Variants in CFAP47 observed in about 807,000 individuals in gnomAD.
CFAP47 encodes cilia- and flagella-associated protein 47.
A neutral mutation model predicts 148.1 loss-of-function variants in CFAP47; 29 were observed. That is an observed-to-expected ratio of 0.20 (90% CI 0.15 to 0.27). The LOEUF is 0.27. CFAP47 is among the 10% of genes least tolerant of loss of function. The pLI is 1.00. For missense variants in CFAP47, 1,872 were observed against 1,697.5 expected (o/e 1.10, Z -1.81); for synonymous variants, 664 against 577.3 (o/e 1.15, Z -2.15).
intron 4 of CFAP47, among the ~76,000 whole-genome samples, chrX:35,948,819 AG>A (rs1300180142): frequency 1.1e-5 from 1 of 93,154 alleles, no homozygotes; most frequent in East Asian, 3.5e-4. Flanking sequence ...GTGTGTGTGT[AG>A]GGGTGGTGGG....
rs749740083 is a variant in CFAP47 at position 35,929,952 on chromosome X, T to G, written c.401+3784T>G. ...AGGTGGAGGTTGCAGTGAGCTGAAATCATGCCAATGCACTTCAGCCTGGGT... is the reference window on the plus strand; with the variant it reads ...AGGTGGAGGTTGCAGTGAGCTGAAAGCATGCCAATGCACTTCAGCCTGGGT... On this transcript the variant is annotated intron_variant, in intron 2 of 63. Coordinates refer to ENST00000378653, the MANE Select transcript of CFAP47 (RefSeq NM_001304548.2). Among the ~76,000 whole-genome samples the G allele has an allele frequency of 3.6e-5, 4 of 110,921 alleles. No homozygotes were observed. In the East Asian group the frequency reaches 1.1e-3, roughly 31 times the overall value.
At chrX:36,353,385 A>G (rs1250559143) in intron 59 of CFAP47, 144 bp from the exon 60 acceptor site, 7 of 448,358 alleles carry the variant, frequency 1.6e-5, no homozygotes, top group Non-Finnish European at 2.7e-5. Flanking sequence ...GTGTGTGTGT[A>G]TGTGTGTATG....
chrX:36,292,273 G>T (rs1191428967), intron 51 of CFAP47, among the ~76,000 whole-genome samples: 1 of 111,470 alleles, frequency 9.0e-6, no homozygotes, highest in East Asian at 2.8e-4. Context: ...AATGACGATG[G>T]TGTTTCTAAA....
chrX:36,101,674 A>G (rs989028513), intron 32 of CFAP47, among the ~76,000 whole-genome samples: 7 of 111,689 alleles, frequency 6.3e-5, no homozygotes, highest in Admixed American at 4.8e-4. Flanking sequence ...GTGTTAAACC[A>G]TCAGGCGTCT....
intron 42 of CFAP47, among the ~76,000 whole-genome samples, chrX:36,191,666 G>A (rs1307364147): frequency 9.0e-6 from 1 of 110,699 alleles, no homozygotes; most frequent in Non-Finnish European, 1.9e-5. Flanking sequence ...CTTTTTAAAC[G>A]GGCCGTAACT....
At chrX:36,228,543 T>G in intron 45 of CFAP47, 85 bp from the exon 46 acceptor site, 2 of 484,494 alleles carry the variant, frequency 4.1e-6, no homozygotes, top group South Asian at 6.0e-5. Context: ...TACAATTTAA[T>G]ACAATAATAT....
At chrX:36,037,699 G>T (rs1194255074) in intron 24 of CFAP47, among the ~76,000 whole-genome samples, 1 of 110,833 alleles carries the variant, frequency 9.0e-6, no homozygotes, top group African/African-American at 3.3e-5. Flanking sequence ...TAAGAGGTCT[G>T]AAATTCTGAA....
intron 26 of CFAP47, among the ~76,000 whole-genome samples, chrX:36,051,408 C>G (rs1019112487): frequency 6.2e-5 from 7 of 112,035 alleles, no homozygotes; most frequent in African/African-American, 2.3e-4. Flanking sequence ...GAACCCATCT[C>G]TTGTATCAGT....
intron 29 of CFAP47, among the ~76,000 whole-genome samples, chrX:36,075,201 T>TTTTATTTATTTA (rs34532797): frequency 3.3e-4 from 35 of 106,615 alleles, no homozygotes; most frequent in South Asian, 7.7e-4. Flanking sequence ...TATGTATTAT[T>TTTTATTTATTTA]TTTATTTATT....
At chrX:36,323,392 G>A (rs1291339053) in intron 57 of CFAP47, among the ~76,000 whole-genome samples, 1 of 109,297 alleles carries the variant, frequency 9.1e-6, no homozygotes, top group Non-Finnish European at 1.9e-5. Context: ...GGTAGAGGAA[G>A]TGATATGTAT....
intron 42 of CFAP47, among the ~76,000 whole-genome samples, chrX:36,194,136 T>C: frequency 8.9e-6 from 1 of 112,200 alleles, no homozygotes; most frequent in East Asian, 2.8e-4. Flanking sequence ...AGCTGGATTT[T>C]AATAATTTCA....
At chrX:36,135,783 G>C (rs1319797694) in intron 33 of CFAP47, among the ~76,000 whole-genome samples, 1 of 111,689 alleles carries the variant, frequency 9.0e-6, no homozygotes, top group Non-Finnish European at 1.9e-5. Flanking sequence ...GTACCACAAA[G>C]AGTGAATGCT....
At chrX:36,178,177 A>G (rs755252681) in intron 39 of CFAP47, among the ~76,000 whole-genome samples, 9 of 110,829 alleles carry the variant, frequency 8.1e-5, no homozygotes, top group African/African-American at 2.0e-4. Context: ...ACTGGCAACT[A>G]CTAGAGGGCA....
chrX:36,371,830 ATG>A lies in CFAP47; in HGVS notation c.9185+4709_9185+4710del, dbSNP rs1281989304. Among the ~76,000 whole-genome samples the A allele has an allele frequency of 4.6e-5, 3 of 65,350 alleles. 1 individual carries two copies. Among genetic ancestry groups the A allele is most frequent in the African/African-American group, 2.4e-4 (3 of 12,613 alleles). 56.7% of individuals were successfully genotyped at this position (65,350 alleles called of 115,157 possible). A position where few individuals can be genotyped will look rare whatever the true frequency, so the allele number is the denominator to read the frequency against. On this transcript the variant is annotated intron_variant, in intron 62 of 63. Transcript: ENST00000378653. ...TGTATATATGTGTGCATATACACAC[ATG>A]TGTGTATATGTGTGTATATATGTGT...
chrX:36,364,726 G>T (rs1941857563), intron 61 of CFAP47, among the ~76,000 whole-genome samples: 1 of 107,732 alleles, frequency 9.3e-6, no homozygotes, highest in Non-Finnish European at 1.9e-5. Context: ...ATTTTACTGG[G>T]ATTTGTTCAC....
At chrX:36,349,785 A>G (rs781923018) in intron 58 of CFAP47, among the ~76,000 whole-genome samples, 1 of 111,360 alleles carries the variant, frequency 9.0e-6, no homozygotes, top group Non-Finnish European at 1.9e-5. Context: ...TAGGGAAAAA[A>G]GCTCTTCAAT....
intron 39 of CFAP47, among the ~76,000 whole-genome samples, chrX:36,173,999 A>T (rs1420510546): frequency 1.8e-5 from 2 of 110,172 alleles, no homozygotes; most frequent in African/African-American, 6.6e-5. Flanking sequence ...TTGGGTGCAT[A>T]TATATTTAGG....
At chrX:36,051,189 G>C (rs1353393559) in intron 26 of CFAP47, among the ~76,000 whole-genome samples, 1 of 111,535 alleles carries the variant, frequency 9.0e-6, no homozygotes, top group East Asian at 2.8e-4. Flanking sequence ...CTGCCTAGGA[G>C]AGCTGTGAGA....
At chrX:36,088,042 C>A (rs1938119141) in intron 30 of CFAP47, among the ~76,000 whole-genome samples, 1 of 111,203 alleles carries the variant, frequency 9.0e-6, no homozygotes, top group Non-Finnish European at 1.9e-5. Context: ...TCTGTGTATT[C>A]AAATTTCATC....
Sources: gnomAD v4.1 joint callset for allele counts (sites outside exome capture counted in the v4.1 genomes callset) on GRCh38, gnomAD v4.1.1 for gene constraint, MANE v1.5 for transcripts, NCBI Gene and HGNC (gene_info 2026-07-23, HGNC 2026-07-21) for gene names.